The following STX11 variants were observed in gnomAD, a reference collection of about 807,000 sequenced individuals.
STX11 encodes the protein syntaxin-11.
A neutral mutation model predicts 19.9 loss-of-function variants in STX11; 21 were observed. The ratio of observed to expected loss-of-function variants is 1.06; its 90% CI spans 0.75 to 1.52. STX11 has a LOEUF of 1.52. STX11 is among the 40% of genes most tolerant of loss of function. STX11 has a pLI of 0.00. For synonymous variants in STX11, 193 were observed against 174.4 expected (o/e 1.11, Z -0.84); for missense variants, 438 against 405.9 (o/e 1.08, Z -0.68).
At chr6:144,141,040 A>T in the STX11 span, among the ~76,000 whole-genome samples, 1 of 152,214 alleles carries the variant, frequency 6.6e-6, no homozygotes, top group Non-Finnish European at 1.5e-5. Flanking sequence ...TTTCACTTTT[A>T]TCTGTTCTGC....
Position 144,151,403 on chromosome 6 carries a change from C to G in STX11, c.-6+700C>G, listed in dbSNP as rs71564466. The G allele has an allele frequency of 0.013, 12,955 of 985,410 alleles. 99 individuals are homozygous for G. Among genetic ancestry groups the G allele is most frequent in the Middle Eastern group, 0.033 (64 of 1,914 alleles). The allele number at this position is 985,410 out of a possible 1,614,324, so 61.0% of individuals were successfully genotyped here. A position where few individuals can be genotyped will look rare whatever the true frequency, so the allele number is the denominator to read the frequency against. On this transcript the variant is annotated intron_variant, in intron 1 of 1. Coordinates refer to ENST00000367568, the MANE Select transcript of STX11 (RefSeq NM_003764.4). The surrounding 1 kb of genome is among the most constrained non-coding windows in gnomAD (Gnocchi z 4.6). ...CAGCAGAGGGAGGAGCTGTTATTTA[C>G]AGGTATCCAAAAATGAGTCACAGGG...
At position 144,177,606 on chromosome 6, in the gene STX11, C is replaced by T. The variant is rs1013026686; in HGVS notation, c.-5-9017C>T. On this transcript the variant is annotated intron_variant, in intron 1 of 1. Coordinates refer to ENST00000367568, the MANE Select transcript of STX11 (RefSeq NM_003764.4). This position sits in a 1 kb window ranked among gnomAD's most constrained non-coding sequence, Gnocchi z 4.4. ...TACTAAAAACACACAAAAAATTAGCCGGGTGTGGTGGTGCACACCTGTAAT... is the reference window on the plus strand; with the variant it reads ...TACTAAAAACACACAAAAAATTAGCTGGGTGTGGTGGTGCACACCTGTAAT... 2.0e-5 allele frequency among the ~76,000 whole-genome samples: 3 copies of T among 152,072 alleles called. No homozygotes were observed. The highest frequency in any genetic ancestry group is 7.2e-5 in the African/African-American group (3 of 41,392).
At chr6:144,178,862 C>T (rs1801836286) in intron 1 of STX11, among the ~76,000 whole-genome samples, 1 of 150,560 alleles carries the variant, frequency 6.6e-6, no homozygotes, top group African/African-American at 2.4e-5. Flanking sequence ...AAATTAACTT[C>T]GGAGCAGCAA....
rs1801093487 is a variant in STX11, at chr6:144,154,868, CT to C, written c.-6+4168del. Among the ~76,000 whole-genome samples, 1 of 152,156 alleles carries C rather than the reference CT, an allele frequency of 6.6e-6. No homozygotes were observed. Among genetic ancestry groups the C allele is most frequent in the African/African-American group, 2.4e-5 (1 of 41,438 alleles). ...TCAAGTATCTTGCATTCAGAACTTG[CT>C]TTCCATTTGGGGCACCTGGGTAGAT... is the stretch of plus-strand genomic sequence containing the variant. On this transcript the variant is annotated intron_variant, in intron 1 of 1. Coordinates refer to ENST00000367568, the MANE Select transcript of STX11 (RefSeq NM_003764.4). This position sits in a 1 kb window ranked among gnomAD's most constrained non-coding sequence, Gnocchi z 4.7.
intron 1 of STX11, among the ~76,000 whole-genome samples, chr6:144,178,829 A>T (rs1801834937): frequency 6.7e-6 from 1 of 148,952 alleles, no homozygotes; most frequent in African/African-American, 2.5e-5. Flanking sequence ...ACTTTAAGAT[A>T]CGATACAAGC....
In STX11 at chr6:144,155,056, G is replaced by T. The variant is rs1353225588; in HGVS notation, c.-6+4353G>T. ...TTTTTGTTCAGCAATCAGGGACTAA[G>T]AATTGATCTAGGAAGAAACTGGAAT... On this transcript the variant is annotated intron_variant, in intron 1 of 1. Coordinates refer to ENST00000367568, the MANE Select transcript of STX11 (RefSeq NM_003764.4). This position sits in a 1 kb window ranked among gnomAD's most constrained non-coding sequence, Gnocchi z 4.5. Among the ~76,000 whole-genome samples the T allele has an allele frequency of 7.9e-5, 12 of 152,134 alleles. No homozygotes were observed. The highest frequency in any genetic ancestry group is 7.9e-4 in the Admixed American group (12 of 15,276).
In STX11 at chr6:144,169,054, C is replaced by T. The variant is rs547093154; in HGVS notation, c.-5-17569C>T. Among the ~76,000 whole-genome samples the T allele has an allele frequency of 1.6e-4, 24 of 152,320 alleles. No homozygotes were observed. The highest frequency in any genetic ancestry group is 5.1e-4 in the African/African-American group (21 of 41,582). On this transcript the variant is annotated intron_variant, in intron 1 of 1. Coordinates refer to ENST00000367568, the MANE Select transcript of STX11 (RefSeq NM_003764.4). The surrounding 1 kb of genome is among the most constrained non-coding windows in gnomAD (Gnocchi z 5.2). Reference sequence around the variant, plus strand: ...ATGAAACTAATCAGAAAAGACACCCCTGGTGATCTAAGCCTTTTTATTAGC... The same window carrying T: ...ATGAAACTAATCAGAAAAGACACCCTTGGTGATCTAAGCCTTTTTATTAGC...
chr6:144,141,746 A>G, the STX11 span, among the ~76,000 whole-genome samples: 2 of 151,890 alleles, frequency 1.3e-5, no homozygotes, highest in African/African-American at 4.8e-5. Flanking sequence ...TTGTGCAATA[A>G]TGGCTCACTG....
chr6:144,183,818 A>G lies in STX11; in HGVS notation c.-5-2805A>G, dbSNP rs1801964466. 6.6e-6 allele frequency among the ~76,000 whole-genome samples: 1 copy of G among 152,232 alleles called. No individual in the cohort carries two copies. Among genetic ancestry groups the G allele is most frequent in the Non-Finnish European group, 1.5e-5 (1 of 68,020 alleles). On this transcript the variant is annotated intron_variant, in intron 1 of 1. Transcript: ENST00000367568. This position sits in a 1 kb window ranked among gnomAD's most constrained non-coding sequence, Gnocchi z 4.6. ...TGTGCCATGGTGGTTTGCTGCACAG[A>G]TCATCCCATCACCTAGGTTTTAAGC...
intron 1 of STX11, 127 bp from the exon 2 acceptor site, chr6:144,186,496 G>A: frequency 9.0e-7 from 1 of 1,116,524 alleles, no homozygotes; most frequent in East Asian, 2.5e-5. Flanking sequence ...CTCCTTTAGT[G>A]CACTTATTGC....
At position 144,183,546 on chromosome 6, in the gene STX11, T is replaced by A. The variant is rs890515970; in HGVS notation, c.-5-3077T>A. Among the ~76,000 whole-genome samples, 6 of 152,194 alleles carry A rather than the reference T, an allele frequency of 3.9e-5. No individual in the cohort carries two copies. Among genetic ancestry groups the A allele is most frequent in the African/African-American group, 1.4e-4 (6 of 41,448 alleles). ...AAGATTCTATCAATTACCAATTTTT[T>A]AAAATAATGAATAGACTTTGTTTGC... On this transcript the variant is annotated intron_variant, in intron 1 of 1. Coordinates refer to ENST00000367568, the MANE Select transcript of STX11 (RefSeq NM_003764.4). This position sits in a 1 kb window ranked among gnomAD's most constrained non-coding sequence, Gnocchi z 4.6.
At chr6:144,140,692 A>G in the STX11 span, 41 of 927,844 alleles carry the variant, frequency 4.4e-5, no homozygotes, top group Non-Finnish European at 5.1e-5. Context: ...TGAAGAAGGA[A>G]TGGGTCCATC....
At chr6:144,143,387 G>A in the STX11 span, among the ~76,000 whole-genome samples, 1 of 152,112 alleles carries the variant, frequency 6.6e-6, no homozygotes, top group Non-Finnish European at 1.5e-5. Context: ...ATTCAAATTA[G>A]GATAATTCAA....
At chr6:144,144,165 G>C in the STX11 span, among the ~76,000 whole-genome samples, 2 of 152,138 alleles carry the variant, frequency 1.3e-5, no homozygotes, top group East Asian at 3.8e-4. Flanking sequence ...TAGGTAAAAA[G>C]GAGTAAGTGA....
At chr6:144,156,390 A>G (rs923361990) in intron 1 of STX11, among the ~76,000 whole-genome samples, 2 of 152,112 alleles carry the variant, frequency 1.3e-5, no homozygotes, top group African/African-American at 2.4e-5. Context: ...AGTGGATAGG[A>G]CATCACAATA....
intron 1 of STX11, among the ~76,000 whole-genome samples, chr6:144,166,947 G>A (rs931453238): frequency 2.9e-5 from 4 of 138,936 alleles, no homozygotes; most frequent in East Asian, 2.2e-4. Flanking sequence ...CAAAAATTTT[G>A]TTGATGGAAA....
Position 144,187,592 on chromosome 6 carries a change from C to A in STX11, c.*101C>A. On this transcript the variant is annotated 3_prime_UTR_variant, in exon 2 of 2. Transcript: ENST00000367568. This position sits in a 1 kb window ranked among gnomAD's most constrained non-coding sequence, Gnocchi z 5.6. The stretch of plus-strand genomic sequence containing the variant: ...CTGCCCTGCAGGGAGTTGCCCCAAC[C>A]CTTTCCGGAACTCAGTCTTTAGAAA... 6.7e-7 allele frequency: 1 copy of A among 1,503,046 alleles called. No homozygotes were observed. The highest frequency in any genetic ancestry group is 9.1e-7 in the Non-Finnish European group (1 of 1,101,530). The allele number at this position is 1,503,046 out of a possible 1,614,324, so 93.1% of individuals were successfully genotyped here. A position where few individuals can be genotyped will look rare whatever the true frequency, so the allele number is the denominator to read the frequency against.
intron 1 of STX11, among the ~76,000 whole-genome samples, chr6:144,163,208 T>C (rs1227647379): frequency 6.6e-6 from 1 of 152,262 alleles, no homozygotes; most frequent in Non-Finnish European, 1.5e-5. Flanking sequence ...GTTTCAACTG[T>C]GTCTACATTT....
chr6:144,156,723 A>G (rs773483076), intron 1 of STX11, among the ~76,000 whole-genome samples: 4 of 152,210 alleles, frequency 2.6e-5, no homozygotes, highest in Non-Finnish European at 5.9e-5. Flanking sequence ...TAAGTAGGAC[A>G]TAGTGTATTA....
Sources: gnomAD v4.1 joint callset for allele counts (sites outside exome capture counted in the v4.1 genomes callset) on GRCh38, gnomAD v4.1.1 for gene constraint, Gnocchi (gnomAD v3.1) non-coding constraint, MANE v1.5 for transcripts, NCBI Gene and HGNC (gene_info 2026-07-23, HGNC 2026-07-21) for gene names.